Variants in ALG10B observed in about 807,000 individuals in gnomAD.
The protein encoded by ALG10B is ALG10 alpha-1,2-glucosyltransferase B.
Under a neutral mutation model 38.7 loss-of-function variants are expected in ALG10B, and 27 were observed. That is an observed-to-expected ratio of 0.70 (90% CI 0.51 to 0.96). The LOEUF is 0.96. ALG10B is among the 40% of genes least tolerant of loss of function. The pLI, the probability that ALG10B is intolerant of heterozygous loss-of-function variation, is 0.00. For synonymous variants in ALG10B, 177 were observed against 193.3 expected, an observed-to-expected ratio of 0.92 and a Z score of 0.70; for missense variants, 522 against 542.7, an observed-to-expected ratio of 0.96 and a Z score of 0.38.
In ALG10B at chr12:38,318,418, T is replaced by C. The variant is rs61730289; in HGVS notation, c.329T>C (p.Leu110Ser). 376 of 1,614,204 alleles carry C rather than the reference T, an allele frequency of 2.3e-4. 2 individuals are homozygous for C. In the African/African-American group the frequency reaches 4.4e-3, roughly 19 times the overall value. ...CTCTTCAGTGTTGGCAACTTCTATT[T>C]ACTATATTTGCTTTTCCACAAGGTA... ...NLLFSVGNFY[L>S]LYLLFHKVQP... Residue 110 changes from leucine (L) to serine (S), a missense_variant, in exon 2 of 3, where the codon TTA becomes TCA. Transcript: ENST00000308742.
At chr12:38,319,550 CTT>C (rs1565603869) in intron 2 of ALG10B, among the ~76,000 whole-genome samples, 1 of 152,092 alleles carries the variant, frequency 6.6e-6, no homozygotes, top group African/African-American at 2.4e-5. Context: ...CATAAGAACA[CTT>C]TCAAATTCTG....
Position 38,322,448 on chromosome 12 carries a change from G to A in ALG10B, c.*1235G>A, listed in dbSNP as rs762806824. ...GGACATTTTAGGATAATCCTCATAT[G>A]ATTGTTAGGAGACTACCTTTAAAAA... On this transcript the variant is annotated 3_prime_UTR_variant, in exon 3 of 3. Transcript: ENST00000308742. 6.6e-6 allele frequency: 1 copy of A among 152,182 alleles called. No homozygotes were observed. Among genetic ancestry groups the A allele is most frequent in the African/African-American group, 2.4e-5 (1 of 41,436 alleles). 9.4% of individuals were successfully genotyped at this position (152,182 alleles called of 1,614,324 possible). A position where few individuals can be genotyped will look rare whatever the true frequency, so the allele number is the denominator to read the frequency against.
chr12:38,321,749 G>A lies in ALG10B; in HGVS notation c.*536G>A, dbSNP rs1294841873. The A allele has an allele frequency of 6.6e-6, 1 of 152,538 alleles. No individual in the cohort carries two copies. The highest frequency in any genetic ancestry group is 1.5e-5 in the Non-Finnish European group (1 of 68,004). 9.4% of individuals were successfully genotyped at this position (152,538 alleles called of 1,614,324 possible). A position where few individuals can be genotyped will look rare whatever the true frequency, so the allele number is the denominator to read the frequency against. On this transcript the variant is annotated 3_prime_UTR_variant, in exon 3 of 3. Coordinates refer to ENST00000308742, the MANE Select transcript of ALG10B (RefSeq NM_001013620.4). ...TCAGTAAATATAATTTTAATTCTAA[G>A]TCAAAATAGAAATGCATAGATAGTA... is the stretch of plus-strand genomic sequence containing the variant.
At position 38,321,099 on chromosome 12, in the gene ALG10B, A is replaced by G; in HGVS notation, c.1308A>G (p.Arg436=). Residue 436 remains arginine, a synonymous_variant, in exon 3 of 3, where the codon AGA becomes AGG. Transcript: ENST00000308742. ...RLNITLPPTS[R]LVCELSCYAI... ...ACATAACTCTGCCTCCCACATCCAG[A>G]CTTGTTTGTGAACTGAGTTGCTATG... 1 of 1,613,806 alleles carries G rather than the reference A, an allele frequency of 6.2e-7. No homozygotes were observed. The highest frequency in any genetic ancestry group is 8.5e-7 in the Non-Finnish European group (1 of 1,179,808).
At position 38,328,800 on chromosome 12, in the gene ALG10B, A is replaced by G. The variant is rs1456766703; in HGVS notation, c.*7587A>G. On this transcript the variant is annotated 3_prime_UTR_variant, in exon 3 of 3. Coordinates refer to ENST00000308742, the MANE Select transcript of ALG10B (RefSeq NM_001013620.4). Reference sequence around the variant, plus strand: ...ATGGCATACTTCATTCATATGACATAGTTAGAATCTTTTCCCACAAACAAT... The same window carrying G: ...ATGGCATACTTCATTCATATGACATGGTTAGAATCTTTTCCCACAAACAAT... The G allele has an allele frequency of 2.4e-5, 4 of 164,016 alleles. No homozygotes were observed. 10.2% of individuals were successfully genotyped at this position (164,016 alleles called of 1,614,324 possible).
Position 38,316,910 on chromosome 12 carries a change from G to C in ALG10B, c.17G>C (p.Gly6Ala). MAQLE[G>A]YCFSAALSCT... The stretch of plus-strand genomic sequence containing the variant: ...GGAGCAGGAATGGCGCAGCTAGAGG[G>C]TTACTGTTTCTCGGCCGCCTTGAGC... Residue 6 changes from glycine to alanine, a missense_variant, in exon 1 of 3, where the codon GGT (glycine) becomes GCT (alanine). Transcript: ENST00000308742. 1.9e-6 allele frequency: 3 copies of C among 1,614,170 alleles called. No homozygotes were observed. Among genetic ancestry groups the C allele is most frequent in the Non-Finnish European group, 2.5e-6 (3 of 1,180,050 alleles).
rs774874692 is a variant in ALG10B, at chr12:38,320,384, G to C, written c.593G>C (p.Gly198Ala). The C allele has an allele frequency of 6.2e-7, 1 of 1,613,992 alleles. No homozygotes were observed. Among genetic ancestry groups the C allele is most frequent in the Non-Finnish European group, 8.5e-7 (1 of 1,179,968 alleles). ...TNIIWAVFCAGNVIAQKLTEA... is the reference protein window; with the variant it reads ...TNIIWAVFCAANVIAQKLTEA... ...ATCATCTGGGCTGTCTTCTGTGCAG[G>C]GAATGTCATTGCACAAAAGTTAACT... is the stretch of plus-strand genomic sequence containing the variant. The change falls in exon 3 of 3, where the codon GGG (glycine) becomes GCG (alanine). Residue 198 changes from glycine (G) to alanine (A), a missense_variant. Physicochemically the swap from Gly to Ala is moderately conservative, Grantham distance 60 (BLOSUM62 0). Coordinates refer to ENST00000308742, the MANE Select transcript of ALG10B (RefSeq NM_001013620.4).
At chr12:38,319,843 G>A (rs898876364) in intron 2 of ALG10B, among the ~76,000 whole-genome samples, 1 of 152,138 alleles carries the variant, frequency 6.6e-6, no homozygotes, top group African/African-American at 2.4e-5. Flanking sequence ...TATCTCCATA[G>A]TCCCCACAGA....
In ALG10B at chr12:38,325,765, A is replaced by C. The variant is rs985889956; in HGVS notation, c.*4552A>C. On this transcript the variant is annotated 3_prime_UTR_variant, in exon 3 of 3. Coordinates refer to ENST00000308742, the MANE Select transcript of ALG10B (RefSeq NM_001013620.4). ...GGTTTAGTCTTTAGTCCTCATTTCAAATGAGAATAGTATTTGTCCTAACTC... is the reference window on the plus strand; with the variant it reads ...GGTTTAGTCTTTAGTCCTCATTTCACATGAGAATAGTATTTGTCCTAACTC... 1.3e-5 allele frequency: 2 copies of C among 152,182 alleles called. No homozygotes were observed. Among genetic ancestry groups the C allele is most frequent in the Non-Finnish European group, 1.5e-5 (1 of 68,012 alleles). 9.4% of individuals were successfully genotyped at this position (152,182 alleles called of 1,614,324 possible). A position where few individuals can be genotyped will look rare whatever the true frequency, so the allele number is the denominator to read the frequency against.
Position 38,318,343 on chromosome 12 carries a change from G to A in ALG10B, c.254G>A (p.Trp85Ter). 1.2e-6 allele frequency: 2 copies of A among 1,614,038 alleles called. No individual in the cohort carries two copies. The highest frequency in any genetic ancestry group is 1.7e-6 in the Non-Finnish European group (2 of 1,179,982). Residue 85 changes from tryptophan (W) to a stop codon, truncating the protein, a stop_gained, in exon 2 of 3, where the codon TGG becomes TAG. Transcript: ENST00000308742. LOFTEE classifies it high-confidence loss of function. ...VVKPAIWIFA[W>*]SEHVVCSIGM... ...AAACCTGCCATTTGGATCTTTGCAT[G>A]GTCTGAACATGTTGTCTGCTCCATT...
chr12:38,321,110 A>G lies in ALG10B; in HGVS notation c.1319A>G (p.Glu440Gly), dbSNP rs1436610176. The G allele has an allele frequency of 6.2e-7, 1 of 1,613,842 alleles. No individual in the cohort carries two copies. The highest frequency in any genetic ancestry group is 1.1e-5 in the South Asian group (1 of 91,064). Residue 440 changes from glutamate to glycine, a missense_variant, in exon 3 of 3, where the codon GAA (glutamate) becomes GGA (glycine). Coordinates refer to ENST00000308742, the MANE Select transcript of ALG10B (RefSeq NM_001013620.4). ...CCTCCCACATCCAGACTTGTTTGTG[A>G]ACTGAGTTGCTATGCAATTGTTAAT... ...TLPPTSRLVC[E>G]LSCYAIVNFI... is the part of the protein sequence containing the mutation.
At position 38,320,799 on chromosome 12, in the gene ALG10B, A is replaced by G. The variant is rs1230182301; in HGVS notation, c.1008A>G (p.Leu336=). Residue 336 remains leucine (L), a synonymous_variant, in exon 3 of 3, where the codon TTA becomes TTG. Coordinates refer to ENST00000308742, the MANE Select transcript of ALG10B (RefSeq NM_001013620.4). ...TGGTTACCTTAGTCTCTGTGTTTTT[A>G]GTTTGGAAATTCACTTATGCTCATA... ...FLVVTLVSVF[L]VWKFTYAHKY... 3.1e-6 allele frequency: 5 copies of G among 1,613,522 alleles called. No individual in the cohort carries two copies. The highest frequency in any genetic ancestry group is 4.2e-6 in the Non-Finnish European group (5 of 1,179,862).
intron 2 of ALG10B, among the ~76,000 whole-genome samples, chr12:38,319,397 A>G (rs186021439): frequency 1.3e-5 from 2 of 152,198 alleles, no homozygotes; most frequent in East Asian, 3.9e-4. Flanking sequence ...ATGTAAGGCT[A>G]GAGAAGTAGG....
rs879759513 is a variant in ALG10B, at chr12:38,329,195, G to A, written c.*7982G>A. ...ACACTAATTTTGCCTCTTCCACAGG[G>A]AGATAGATTCTCATCTACCATTGTG... On this transcript the variant is annotated 3_prime_UTR_variant, in exon 3 of 3. Transcript: ENST00000308742. 1.3e-5 allele frequency: 5 copies of A among 398,240 alleles called. No homozygotes were observed. Among genetic ancestry groups the A allele is most frequent in the African/African-American group, 4.1e-5 (2 of 48,592 alleles). The allele number at this position is 398,240 out of a possible 1,614,324, so 24.7% of individuals were successfully genotyped here. A position where few individuals can be genotyped will look rare whatever the true frequency, so the allele number is the denominator to read the frequency against.
chr12:38,319,756 G>C (rs948270788), intron 2 of ALG10B, among the ~76,000 whole-genome samples: 1 of 152,298 alleles, frequency 6.6e-6, no homozygotes, highest in African/African-American at 2.4e-5. Context: ...GGAAAGTGGT[G>C]ATTATGGCTA....
Position 38,321,482 on chromosome 12 carries a change from T to C in ALG10B, c.*269T>C. On this transcript the variant is annotated 3_prime_UTR_variant, in exon 3 of 3. Transcript: ENST00000308742. ...ATATCGCTCTCGTAATGTTGGCCCC[T>C]CACAAAGCTTGGGAATGTTTTGTAT... 1 of 269,704 alleles carries C rather than the reference T, an allele frequency of 3.7e-6. No individual in the cohort carries two copies. The highest frequency in any genetic ancestry group is 7.0e-6 in the Non-Finnish European group (1 of 143,562). The allele number at this position is 269,704 out of a possible 1,614,324, so 16.7% of individuals were successfully genotyped here. A position where few individuals can be genotyped will look rare whatever the true frequency, so the allele number is the denominator to read the frequency against.
chr12:38,326,119 C>A lies in ALG10B; in HGVS notation c.*4906C>A, dbSNP rs1945741943. 1.3e-5 allele frequency: 2 copies of A among 151,966 alleles called. No individual in the cohort carries two copies. Among genetic ancestry groups the A allele is most frequent in the African/African-American group, 4.8e-5 (2 of 41,408 alleles). The allele number at this position is 151,966 out of a possible 1,614,324, so 9.4% of individuals were successfully genotyped here. On this transcript the variant is annotated 3_prime_UTR_variant, in exon 3 of 3. Transcript: ENST00000308742. ...CAGCCCAGGATGGCTTTGAATGCGGCCCCAACACAAATTTTGTAAGCTTTC... is the reference window on the plus strand; with the variant it reads ...CAGCCCAGGATGGCTTTGAATGCGGACCCAACACAAATTTTGTAAGCTTTC...
In ALG10B at chr12:38,326,547, CTTATTTCTAT is replaced by C. The variant is rs1373732021; in HGVS notation, c.*5338_*5347del. Reference sequence around the variant, plus strand: ...TTTTTATTTAAAATAAGAAAATATTCTTATTTCTATTTAAAATAAGAAAAATCAGTAACCT... The same window carrying C: ...TTTTTATTTAAAATAAGAAAATATTCTTAAAATAAGAAAAATCAGTAACCT... On this transcript the variant is annotated 3_prime_UTR_variant, in exon 3 of 3. Coordinates refer to ENST00000308742, the MANE Select transcript of ALG10B (RefSeq NM_001013620.4). 981 of 26,730 alleles carry C rather than the reference CTTATTTCTAT, an allele frequency of 0.037. 13 individuals carry two copies. The highest frequency in any genetic ancestry group is 0.18 in the African/African-American group (943 of 5,240). 1.7% of individuals were successfully genotyped at this position (26,730 alleles called of 1,614,324 possible). A position where few individuals can be genotyped will look rare whatever the true frequency, so the allele number is the denominator to read the frequency against.
chr12:38,321,042 C>T lies in ALG10B; in HGVS notation c.1251C>T (p.Tyr417=), dbSNP rs753993282. Residue 417 remains tyrosine, a synonymous_variant, in exon 3 of 3, where the codon TAC becomes TAT. Transcript: ENST00000308742. ...IVPQKLLEFR[Y]FILPYVIYRL... ...CTCAGAAACTGCTGGAATTTCGTTA[C>T]TTCATTTTACCTTATGTCATTTATA... 2.0e-5 allele frequency: 33 copies of T among 1,613,364 alleles called. No individual in the cohort carries two copies. The highest frequency in any genetic ancestry group is 2.7e-5 in the Non-Finnish European group (32 of 1,179,778).
Sources: gnomAD v4.1 joint callset for allele counts (sites outside exome capture counted in the v4.1 genomes callset) on GRCh38, gnomAD v4.1.1 for gene constraint, MANE v1.5 for transcripts, NCBI Gene and HGNC (gene_info 2026-07-23, HGNC 2026-07-21) for gene names.